The following PGAP3 variants were observed in gnomAD, a reference collection of about 807,000 sequenced individuals.
PGAP3 encodes the protein GPI-specific phospholipase A2-like PGAP3.
A neutral mutation model predicts 40.3 loss-of-function variants in PGAP3; 31 were observed. That is an observed-to-expected ratio of 0.77 (90% CI 0.58 to 1.04). The LOEUF (loss-of-function observed/expected upper bound fraction) is 1.04. PGAP3 is among the 50% of genes least tolerant of loss of function. The pLI is 0.00. For synonymous variants in PGAP3, 191 were observed against 184.5 expected, an observed-to-expected ratio of 1.04 and a Z score of -0.29; for missense variants, 413 against 423.0, an observed-to-expected ratio of 0.98 and a Z score of 0.21.
In PGAP3 at chr17:39,682,778, C is replaced by G. The variant is rs569570290; in HGVS notation, c.432+1819G>C. On this transcript the variant is annotated intron_variant, in intron 3 of 7. Transcript: ENST00000300658. ...TGAAACAACTTTTCTCCTCAACCCTCATTTAAAATCCCTCCGTAGGCCGAG... is the reference window on the plus strand; with the variant it reads ...TGAAACAACTTTTCTCCTCAACCCTGATTTAAAATCCCTCCGTAGGCCGAG... Among the ~76,000 whole-genome samples the G allele has an allele frequency of 3.3e-5, 5 of 152,254 alleles. No homozygotes were observed. The East Asian group carries it at 9.7e-4, about 29-fold the overall frequency.
In PGAP3 at chr17:39,673,208, G is replaced by T. The variant is rs766144739; in HGVS notation, c.742C>A (p.Arg248=). Residue 248 remains arginine, a synonymous_variant, in exon 7 of 8, where the codon CGG becomes AGG. Transcript: ENST00000300658. ...CACTTGCGCACGTGAGGCAGCCGCC[G>T]CTGGTTCCACAGGCACCAGGCCAGC... is the stretch of plus-strand genomic sequence containing the variant. The part of the protein sequence containing the change: ...WWLAWCLWNQ[R]RLPHVRKCVV... 27 of 1,568,780 alleles carry T rather than the reference G, an allele frequency of 1.7e-5. No individual in the cohort carries two copies. The Admixed American group carries it at 1.7e-4, about 10-fold the overall frequency.
At chr17:39,682,260 A>AT (rs2057451498) in intron 3 of PGAP3, among the ~76,000 whole-genome samples, 2 of 149,578 alleles carry the variant, frequency 1.3e-5, no homozygotes, top group African/African-American at 4.9e-5. Context: ...AAAAAAAAAA[A>AT]ATCTGATGTT....
Position 39,684,720 on chromosome 17 carries a change from T to C in PGAP3, c.309A>G (p.Gln103=). Residue 103 remains glutamine (Q), a synonymous_variant, in exon 3 of 8, where the codon CAA becomes CAG. Transcript: ENST00000300658. ...ACGAGGCCACGGCCGATGCCGGCTCTTGAAAGAACAGGAACCGGGAGAAGG... is the reference window on the plus strand; with the variant it reads ...ACGAGGCCACGGCCGATGCCGGCTCCTGAAAGAACAGGAACCGGGAGAAGG... ...KWPFSRFLFF[Q]EPASAVASFL... is the part of the protein sequence containing the mutation. 1 of 1,611,924 alleles carries C rather than the reference T, an allele frequency of 6.2e-7. No individual in the cohort carries two copies. The highest frequency in any genetic ancestry group is 8.5e-7 in the Non-Finnish European group (1 of 1,179,106).
chr17:39,674,798 T>G, intron 3 of PGAP3, 119 bp from the exon 4 acceptor site: 6 of 1,012,388 alleles, frequency 5.9e-6, no homozygotes, highest in Non-Finnish European at 7.3e-6. Context: ...AGAAATGTGC[T>G]TTTCCTGCCC....
intron 1 of PGAP3, among the ~76,000 whole-genome samples, chr17:39,687,319 A>T (rs1455538896): frequency 6.6e-6 from 1 of 152,226 alleles, no homozygotes; most frequent in Non-Finnish European, 1.5e-5. Flanking sequence ...GACACCTGTC[A>T]CACAGTGAGT....
chr17:39,674,208 T>C (rs941344114), intron 4 of PGAP3, among the ~76,000 whole-genome samples, 154 bp from the exon 5 acceptor site: 15 of 152,154 alleles, frequency 9.9e-5, no homozygotes, highest in Admixed American at 7.2e-4. Flanking sequence ...CACATCACCA[T>C]ACAAGTTTTT....
chr17:39,673,661 G>T lies in PGAP3; in HGVS notation c.558-11C>A. On this transcript the variant is annotated splice_polypyrimidine_tract_variant and intron_variant, in intron 5 of 7. Coordinates refer to ENST00000300658, the MANE Select transcript of PGAP3 (RefSeq NM_033419.5). ...TGCAGCCCCACGGTCCTGCCCCACC[G>T]TCCAGGGTTGCTCAGAGGGCAGGTG... 1 of 1,613,240 alleles carries T rather than the reference G, an allele frequency of 6.2e-7. No individual in the cohort carries two copies. Among genetic ancestry groups the T allele is most frequent in the Middle Eastern group, 1.7e-4 (1 of 6,006 alleles).
intron 3 of PGAP3, among the ~76,000 whole-genome samples, chr17:39,677,042 CAG>C (rs1006423622): frequency 2.0e-5 from 3 of 152,212 alleles, no homozygotes; most frequent in African/African-American, 4.8e-5. Flanking sequence ...CACAATGAGA[CAG>C]AGTCTGCATT....
At chr17:39,687,714 C>T (rs2057578270) in intron 1 of PGAP3, 120 bp downstream of exon 1, 4 of 759,010 alleles carry the variant, frequency 5.3e-6, no homozygotes, top group Non-Finnish European at 5.6e-6. Context: ...AGGGGCTTCA[C>T]TCACATTCAT....
At chr17:39,681,601 C>T (rs1209250500) in intron 3 of PGAP3, among the ~76,000 whole-genome samples, 6 of 152,066 alleles carry the variant, frequency 3.9e-5, no homozygotes, top group African/African-American at 9.7e-5. Context: ...CTCCGCCTTC[C>T]GGGTTCAAGT....
intron 3 of PGAP3, among the ~76,000 whole-genome samples, chr17:39,677,571 G>A (rs1255825770): frequency 4.6e-5 from 7 of 152,148 alleles, no homozygotes; most frequent in African/African-American, 7.2e-5. Context: ...GCCAAGGCAC[G>A]GCTACTCTCG....
chr17:39,681,173 C>G (rs1018846111), intron 3 of PGAP3, among the ~76,000 whole-genome samples: 3 of 152,128 alleles, frequency 2.0e-5, no homozygotes, highest in Non-Finnish European at 2.9e-5. Context: ...GCCTCCATCA[C>G]TGTCTTATAA....
At chr17:39,678,550 G>A (rs1338296616) in intron 3 of PGAP3, among the ~76,000 whole-genome samples, 3 of 152,228 alleles carry the variant, frequency 2.0e-5, no homozygotes, top group Non-Finnish European at 4.4e-5. Flanking sequence ...TCCTGCTGGA[G>A]GGCGGGGTCT....
intron 3 of PGAP3, among the ~76,000 whole-genome samples, chr17:39,675,628 C>G (rs534163301): frequency 6.6e-6 from 1 of 152,242 alleles, no homozygotes; most frequent in South Asian, 2.1e-4. Flanking sequence ...CTCCAATGTA[C>G]CAGGAAAACT....
In PGAP3 at chr17:39,686,059, A is replaced by T. The variant is rs774413466; in HGVS notation, c.182-40T>A. ...TGTGGCCTGGTGAACTCCCCAGCAC[A>T]GAGAGGAAAGAGAGAGCATGAATGG... On this transcript the variant is annotated intron_variant, in intron 1 of 7. Transcript: ENST00000300658. 12 of 1,550,420 alleles carry T rather than the reference A, an allele frequency of 7.7e-6. No homozygotes were observed. The Admixed American group carries it at 2.0e-4, about 26-fold the overall frequency.
chr17:39,674,525 G>A (rs1020740027), intron 4 of PGAP3, 92 bp downstream of exon 4: 4 of 1,349,806 alleles, frequency 3.0e-6, no homozygotes, highest in Non-Finnish European at 4.0e-6. Context: ...CTCCTCAGAG[G>A]GAGTTGGCAT....
intron 1 of PGAP3, among the ~76,000 whole-genome samples, 196 bp from the exon 2 acceptor site, chr17:39,686,215 G>A (rs1043599660): frequency 2.6e-5 from 4 of 152,174 alleles, no homozygotes; most frequent in Admixed American, 1.3e-4. Flanking sequence ...GTGTATGTAC[G>A]TATGTATGCA....
chr17:39,687,856 C>T lies in PGAP3; in HGVS notation c.159G>A (p.Gln53=). ...TACCTGCTAGACTCATGTAGATTGG[C>T]TGGCGGGAGCGGAAGTGATTCAGAG... ...GGALNHFRSR[Q]PIYMSLAGWT... Residue 53 remains glutamine, a synonymous_variant, in exon 1 of 8, where the codon CAG becomes CAA. Coordinates refer to ENST00000300658, the MANE Select transcript of PGAP3 (RefSeq NM_033419.5). 6.7e-7 allele frequency: 1 copy of T among 1,495,504 alleles called. No individual in the cohort carries two copies. Among genetic ancestry groups the T allele is most frequent in the Non-Finnish European group, 9.0e-7 (1 of 1,108,288 alleles). The allele number at this position is 1,495,504 out of a possible 1,614,324, so 92.6% of individuals were successfully genotyped here. A position where few individuals can be genotyped will look rare whatever the true frequency, so the allele number is the denominator to read the frequency against.
chr17:39,684,571 A>G (rs1402312015), intron 3 of PGAP3, 26 bp downstream of exon 3: 1 of 1,594,658 alleles, frequency 6.3e-7, no homozygotes, highest in Admixed American at 1.7e-5. Context: ...AAGAGGAGAC[A>G]GCAGGAGTCC....
Sources: gnomAD v4.1 joint callset for allele counts (sites outside exome capture counted in the v4.1 genomes callset) on GRCh38, gnomAD v4.1.1 for gene constraint, MANE v1.5 for transcripts, NCBI Gene and HGNC (gene_info 2026-07-23, HGNC 2026-07-21) for gene names.